The following SPAST variants were observed in gnomAD, a reference collection of about 807,000 sequenced individuals.
SPAST encodes spastic paraplegia 4 (autosomal dominant; spastin).
SPAST carries 30 observed loss-of-function variants against 76.6 expected under a neutral mutation model. That is an observed-to-expected ratio of 0.39 (90% CI 0.29 to 0.53). SPAST has a LOEUF of 0.53. SPAST is among the 20% of genes least tolerant of loss of function. SPAST has a pLI of 0.68. For missense variants in SPAST, 717 were observed against 770.5 expected (o/e 0.93, Z 0.82); for synonymous variants, 305 against 281.0 (o/e 1.09, Z -0.86).
intron 1 of SPAST, 96 bp downstream of exon 1, chr2:32,064,342 G>A (rs1267669095): frequency 2.5e-6 from 3 of 1,195,488 alleles, no homozygotes; most frequent in African/African-American, 1.5e-5. Flanking sequence ...TCTGCGGGAG[G>A]GGACGGTGCA....
intron 3 of SPAST, among the ~76,000 whole-genome samples, chr2:32,096,966 A>C (rs1448117348): frequency 2.0e-5 from 3 of 152,172 alleles, no homozygotes; most frequent in Admixed American, 6.5e-5. Context: ...TGTGCCAAAA[A>C]GGGTAGCTGC....
At chr2:32,110,195 C>T (rs1316722585) in intron 4 of SPAST, among the ~76,000 whole-genome samples, 8 of 147,336 alleles carry the variant, frequency 5.4e-5, no homozygotes, top group South Asian at 4.2e-4. Flanking sequence ...CTTGGCTTAC[C>T]GCAACCTCTG....
chr2:32,083,644 G>C (rs1370316079), intron 1 of SPAST, among the ~76,000 whole-genome samples: 1 of 91,308 alleles, frequency 1.1e-5, no homozygotes, highest in African/African-American at 4.3e-5. Flanking sequence ...ACTTATATTT[G>C]ACTCTGCCTA....
rs774726649 is a variant in SPAST at position 32,154,624 on chromosome 2, A to G, written c.*128A>G. On this transcript the variant is annotated 3_prime_UTR_variant, in exon 17 of 17. Coordinates refer to ENST00000315285, the MANE Select transcript of SPAST (RefSeq NM_014946.4). The stretch of plus-strand genomic sequence containing the variant: ...TTTTTAGAGTCTTACATATTTGTGC[A>G]CCAAACTTGAAGATGAACCAGAAAA... 1 of 924,848 alleles carries G rather than the reference A, an allele frequency of 1.1e-6. No homozygotes were observed. The highest frequency in any genetic ancestry group is 2.3e-5 in the Admixed American group (1 of 42,980). The allele number at this position is 924,848 out of a possible 1,614,324, so 57.3% of individuals were successfully genotyped here.
chr2:32,150,229 C>A (rs1265417766), intron 16 of SPAST, among the ~76,000 whole-genome samples: 1 of 140,368 alleles, frequency 7.1e-6, no homozygotes, highest in Non-Finnish European at 1.5e-5. Flanking sequence ...CACGCCACCA[C>A]GCCCAGCTAA....
intron 1 of SPAST, among the ~76,000 whole-genome samples, chr2:32,081,933 A>G (rs1256702886): frequency 6.7e-6 from 1 of 148,598 alleles, no homozygotes; most frequent in African/African-American, 2.5e-5. Context: ...AATTTTGGTA[A>G]TTTTCATTGT....
intron 4 of SPAST, among the ~76,000 whole-genome samples, chr2:32,112,346 C>CTTTTTT (rs11434154): frequency 7.5e-6 from 1 of 132,938 alleles, no homozygotes; most frequent in Non-Finnish European, 1.6e-5. Flanking sequence ...CTGAATGTGG[C>CTTTTTT]TTTTTTTTTT....
chr2:32,152,191 AC>A (rs1288974264), intron 16 of SPAST, among the ~76,000 whole-genome samples: 3 of 152,096 alleles, frequency 2.0e-5, no homozygotes. Flanking sequence ...TTAGTCTCTT[AC>A]GTTAAAATAT....
intron 15 of SPAST, 100 bp downstream of exon 15, chr2:32,145,107 T>C (rs1427369822): frequency 1.2e-6 from 1 of 851,098 alleles, no homozygotes; most frequent in South Asian, 1.5e-5. Context: ...TTTTTTTCTT[T>C]TGGAGACAGG....
intron 1 of SPAST, among the ~76,000 whole-genome samples, chr2:32,067,736 A>G (rs1312934976): frequency 1.4e-5 from 2 of 146,958 alleles, no homozygotes; most frequent in Non-Finnish European, 1.5e-5. Flanking sequence ...CTCAAGGCTC[A>G]TTCCTAGGCT....
intron 7 of SPAST, among the ~76,000 whole-genome samples, chr2:32,121,260 C>A (rs993955682): frequency 3.3e-5 from 5 of 152,034 alleles, no homozygotes; most frequent in African/African-American, 1.2e-4. Context: ...TCAAGCGATT[C>A]TCCTGCCTCA....
Position 32,063,709 on chromosome 2 carries a change from T to G in SPAST, c.-123T>G. 3.0e-6 allele frequency: 4 copies of G among 1,342,742 alleles called. No homozygotes were observed. Among genetic ancestry groups the G allele is most frequent in the Non-Finnish European group, 4.0e-6 (4 of 996,442 alleles). The allele number at this position is 1,342,742 out of a possible 1,614,324, so 83.2% of individuals were successfully genotyped here. A position where few individuals can be genotyped will look rare whatever the true frequency, so the allele number is the denominator to read the frequency against. On this transcript the variant is annotated 5_prime_UTR_variant, in exon 1 of 17. Transcript: ENST00000315285. ...CGGGCAGCGTGCGGCAGTGCGGAGC[T>G]CCTGAGACCGGCGGGCACACGGGGG...
chr2:32,118,564 GA>G (rs1164446837), intron 7 of SPAST, among the ~76,000 whole-genome samples: 2 of 151,692 alleles, frequency 1.3e-5, no homozygotes, highest in Admixed American at 1.3e-4. Context: ...ACTAAATATT[GA>G]AAAAAAAGCT....
At chr2:32,066,650 A>G (rs1676522815) in intron 1 of SPAST, among the ~76,000 whole-genome samples, 1 of 151,886 alleles carries the variant, frequency 6.6e-6, no homozygotes. Context: ...CCTGGGCGGC[A>G]GAGCAAGACT....
Position 32,131,671 on chromosome 2 carries a change from C to CTTTTTTTT in SPAST, c.1245+3206_1245+3213dup, listed in dbSNP as rs541036416. ...TTAAAAATATTACAGCAACCATTCT[C>CTTTTTTTT]TTTTTTTTTTTTTTTTTTTTTGAGA... On this transcript the variant is annotated intron_variant, in intron 9 of 16. Transcript: ENST00000315285. 2.8e-5 allele frequency among the ~76,000 whole-genome samples: 3 copies of CTTTTTTTT among 108,010 alleles called. 1 individual carries two copies. Among genetic ancestry groups the CTTTTTTTT allele is most frequent in the Non-Finnish European group, 1.8e-5 (1 of 54,548 alleles). 70.9% of individuals were successfully genotyped at this position (108,010 alleles called of 152,430 possible).
At chr2:32,071,694 A>G (rs771844698) in intron 1 of SPAST, among the ~76,000 whole-genome samples, 1 of 152,224 alleles carries the variant, frequency 6.6e-6, no homozygotes, top group Non-Finnish European at 1.5e-5. Context: ...AGGCAGATTC[A>G]AAGATTTTCT....
chr2:32,069,075 T>C (rs1465635247), intron 1 of SPAST, among the ~76,000 whole-genome samples: 1 of 151,976 alleles, frequency 6.6e-6, no homozygotes, highest in African/African-American at 2.4e-5. Context: ...TAGCTGGGCA[T>C]AGTGGTGCAC....
At position 32,082,566 on chromosome 2, in the gene SPAST, C is replaced by T. The variant is rs527605920; in HGVS notation, c.416-4926C>T. Among the ~76,000 whole-genome samples, 8 of 151,962 alleles carry T rather than the reference C, an allele frequency of 5.3e-5. No homozygotes were observed. In the South Asian group the frequency reaches 1.5e-3, roughly 28 times the overall value. On this transcript the variant is annotated intron_variant, in intron 1 of 16. Coordinates refer to ENST00000315285, the MANE Select transcript of SPAST (RefSeq NM_014946.4). ...ACAAAATTAGCCGGGCGTGGTGGCACGTGCCTTTCATCCCAGCTACTTGGG... is the reference window on the plus strand; with the variant it reads ...ACAAAATTAGCCGGGCGTGGTGGCATGTGCCTTTCATCCCAGCTACTTGGG...
In SPAST at chr2:32,116,317, A is replaced by T. The variant is rs181718638; in HGVS notation, c.1098+105A>T. Reference sequence around the variant, plus strand: ...TGAGCTATACTAAAATAATTAATTCATATAAGGTAACAATAGATTTAATGT... The same window carrying T: ...TGAGCTATACTAAAATAATTAATTCTTATAAGGTAACAATAGATTTAATGT... On this transcript the variant is annotated intron_variant, in intron 7 of 16. Transcript: ENST00000315285. The T allele has an allele frequency of 1.1e-3, 793 of 747,536 alleles. 3 individuals carry two copies. The East Asian group carries it at 0.018, about 17-fold the overall frequency. The allele number at this position is 747,536 out of a possible 1,614,324, so 46.3% of individuals were successfully genotyped here. A position where few individuals can be genotyped will look rare whatever the true frequency, so the allele number is the denominator to read the frequency against.
Sources: allele counts gnomAD v4.1 joint callset (sites outside exome capture counted in the v4.1 genomes callset), GRCh38; gene constraint gnomAD v4.1.1; transcripts MANE v1.5; gene names NCBI Gene and HGNC (gene_info 2026-07-23, HGNC 2026-07-21).